Variants in WWOX observed in about 807,000 individuals in gnomAD.
WWOX encodes WW domain-containing oxidoreductase.
Under a neutral mutation model 46.2 loss-of-function variants are expected in WWOX, and 69 were observed. The ratio of observed to expected loss-of-function variants is 1.49; its 90% CI spans 1.23 to 1.82. WWOX has a LOEUF of 1.82. WWOX is among the 40% of genes most tolerant of loss of function. WWOX has a pLI of 0.00. For missense variants in WWOX, 919 were observed against 542.6 expected (o/e 1.69, Z -6.89); for synonymous variants, 359 against 202.6 (o/e 1.77, Z -6.56).
At chr16:78,862,845 C>A (rs1488339199) in intron 8 of WWOX, among the ~76,000 whole-genome samples, 1 of 152,116 alleles carries the variant, frequency 6.6e-6, no homozygotes, top group Admixed American at 6.6e-5. Flanking sequence ...ACGTTAATGT[C>A]CTCCAGAAAC....
In WWOX at chr16:78,348,341, C is replaced by T. The variant is rs1356613709; in HGVS notation, c.517-38519C>T. On this transcript the variant is annotated intron_variant, in intron 5 of 8. Coordinates refer to ENST00000566780, the MANE Select transcript of WWOX (RefSeq NM_016373.4). ...GTCACTTATATCCAGGAAAGAGTGG[C>T]AAAGAACCATCCCAGCAGATAGCTT... Among the ~76,000 whole-genome samples, 21 of 120,332 alleles carry T rather than the reference C, an allele frequency of 1.7e-4. 3 individuals carry two copies. The highest frequency in any genetic ancestry group is 5.9e-4 in the African/African-American group (21 of 35,468). 78.9% of individuals were successfully genotyped at this position (120,332 alleles called of 152,430 possible).
At chr16:79,012,220 C>T (rs1365961273) in intron 8 of WWOX, among the ~76,000 whole-genome samples, 2 of 152,090 alleles carry the variant, frequency 1.3e-5, no homozygotes, top group Non-Finnish European at 2.9e-5. Flanking sequence ...ACTTGGCATG[C>T]AACTAGTATG....
chr16:78,568,978 C>G (rs2044646054), intron 8 of WWOX, among the ~76,000 whole-genome samples: 1 of 152,158 alleles, frequency 6.6e-6, no homozygotes, highest in Non-Finnish European at 1.5e-5. Context: ...GATGAGTAAC[C>G]TACTCTGGAT....
At chr16:78,302,089 C>A (rs2080051879) in intron 5 of WWOX, among the ~76,000 whole-genome samples, 1 of 151,744 alleles carries the variant, frequency 6.6e-6, no homozygotes, top group Non-Finnish European at 1.5e-5. Flanking sequence ...GCCTCTCTAG[C>A]AGCTGGGACT....
intron 8 of WWOX, among the ~76,000 whole-genome samples, chr16:78,617,301 C>G (rs1359327243): frequency 6.6e-6 from 1 of 151,030 alleles, no homozygotes; most frequent in African/African-American, 2.4e-5. Flanking sequence ...ACTTAGGAGG[C>G]TGAGGTGGAA....
At chr16:78,771,125 A>C (rs1232162933) in intron 8 of WWOX, among the ~76,000 whole-genome samples, 1 of 152,130 alleles carries the variant, frequency 6.6e-6, no homozygotes, top group East Asian at 1.9e-4. Flanking sequence ...AAGGGAAGAG[A>C]ATTAGCATTT....
chr16:78,319,373 A>T (rs1317629849), intron 5 of WWOX, among the ~76,000 whole-genome samples: 1 of 151,974 alleles, frequency 6.6e-6, no homozygotes, highest in Non-Finnish European at 1.5e-5. Flanking sequence ...CGATCCTCCC[A>T]CCTCAACCTC....
intron 8 of WWOX, among the ~76,000 whole-genome samples, chr16:79,036,030 C>T (rs1353434407): frequency 6.6e-6 from 1 of 152,188 alleles, no homozygotes; most frequent in Non-Finnish European, 1.5e-5. Flanking sequence ...TTCCAGCATA[C>T]TCAGCACAGT....
At chr16:78,767,827 T>G (rs773129074) in intron 8 of WWOX, among the ~76,000 whole-genome samples, 4 of 152,186 alleles carry the variant, frequency 2.6e-5, no homozygotes, top group Non-Finnish European at 4.4e-5. Flanking sequence ...TACTTTCACG[T>G]GCCTACTGGC....
At chr16:78,593,763 A>G (rs1887292984) in intron 8 of WWOX, among the ~76,000 whole-genome samples, 1 of 152,132 alleles carries the variant, frequency 6.6e-6, no homozygotes, top group Non-Finnish European at 1.5e-5. Context: ...AGAGACTGAT[A>G]CACAAAGAGA....
chr16:79,075,916 G>T (rs1431685244), intron 8 of WWOX, among the ~76,000 whole-genome samples: 2 of 152,188 alleles, frequency 1.3e-5, no homozygotes, highest in Non-Finnish European at 2.9e-5. Context: ...GTAAAGGGCA[G>T]ACTTAAATTT....
chr16:78,252,372 A>G (rs1194541320), intron 5 of WWOX, among the ~76,000 whole-genome samples: 1 of 152,234 alleles, frequency 6.6e-6, no homozygotes, highest in African/African-American at 2.4e-5. Flanking sequence ...ATGAGTTAAA[A>G]TTGACAAGTT....
chr16:78,437,035 T>C lies in WWOX; in HGVS notation c.1056+4283T>C, dbSNP rs535411968. ...ACCAGATGGCTAGTGTGCTCTGCCT[T>C]GTCTGCCTTTTACCTTAGAGAGGGT... is the stretch of plus-strand genomic sequence containing the variant. On this transcript the variant is annotated intron_variant, in intron 8 of 8. Coordinates refer to ENST00000566780, the MANE Select transcript of WWOX (RefSeq NM_016373.4). Among the ~76,000 whole-genome samples, 3 of 152,332 alleles carry C rather than the reference T, an allele frequency of 2.0e-5. No individual in the cohort carries two copies. In the East Asian group the frequency reaches 5.8e-4, roughly 29 times the overall value.
chr16:79,169,701 C>G (rs2050663317), intron 8 of WWOX, among the ~76,000 whole-genome samples: 1 of 152,184 alleles, frequency 6.6e-6, no homozygotes. Flanking sequence ...TAGAATGGAC[C>G]TGCCAAATGG....
At chr16:78,906,034 A>C (rs1056185089) in intron 8 of WWOX, among the ~76,000 whole-genome samples, 2 of 152,160 alleles carry the variant, frequency 1.3e-5, no homozygotes, top group East Asian at 1.9e-4. Context: ...ATGATGGATG[A>C]ATGAATGAAT....
At chr16:78,634,826 G>GAGAGAGAGAC (rs1365566034) in intron 8 of WWOX, among the ~76,000 whole-genome samples, 20 of 110,490 alleles carry the variant, frequency 1.8e-4, no homozygotes, top group African/African-American at 7.2e-4. Flanking sequence ...GAGAGAGAGA[G>GAGAGAGAGAC]AGAGAGAGAG....
intron 8 of WWOX, among the ~76,000 whole-genome samples, chr16:78,992,072 C>G (rs752214106): frequency 8.5e-5 from 13 of 152,162 alleles, no homozygotes; most frequent in Admixed American, 5.9e-4. Context: ...TTCGTTCATT[C>G]TTGGAATCTA....
rs138495113 is a variant in WWOX at position 78,630,242 on chromosome 16, A to T, written c.1056+197490A>T. 4.7e-3 allele frequency among the ~76,000 whole-genome samples: 708 copies of T among 152,234 alleles called. 8 individuals are homozygous for T. Among genetic ancestry groups the T allele is most frequent in the African/African-American group, 0.016 (682 of 41,538 alleles). On this transcript the variant is annotated intron_variant, in intron 8 of 8. Coordinates refer to ENST00000566780, the MANE Select transcript of WWOX (RefSeq NM_016373.4). ...CAGGCACTGGGGTCCTATTTTGCTC[A>T]CTGTTGCTGTGTGGGAAAGAGTTAG...
chr16:78,375,439 A>T (rs1218524163), intron 5 of WWOX, among the ~76,000 whole-genome samples: 1 of 152,248 alleles, frequency 6.6e-6, no homozygotes, highest in East Asian at 1.9e-4. Context: ...TTAAACAGTC[A>T]ATCATTCATT....
Sources: allele counts gnomAD v4.1 joint callset (sites outside exome capture counted in the v4.1 genomes callset), GRCh38; gene constraint gnomAD v4.1.1; transcripts MANE v1.5; gene names NCBI Gene and HGNC (gene_info 2026-07-23, HGNC 2026-07-21).